PNLIP: variants seen among roughly 807,000 people sequenced by gnomAD.
The protein encoded by PNLIP is pancreatic lipase.
In PNLIP, 49 loss-of-function variants were observed where a neutral mutation model predicts 57.1. The ratio of observed to expected loss-of-function variants is 0.86; its 90% CI spans 0.68 to 1.09. The LOEUF (loss-of-function observed/expected upper bound fraction) is 1.09. Among genes scored for constraint, PNLIP ranks in the 50% least tolerant of loss-of-function variants. The pLI, the probability that PNLIP is intolerant of heterozygous loss-of-function variation, is 0.00. For synonymous variants in PNLIP, 209 were observed against 200.4 expected, an observed-to-expected ratio of 1.04 and a Z score of -0.36; for missense variants, 503 against 570.2, an observed-to-expected ratio of 0.88 and a Z score of 1.20.
rs114100502 is a variant in PNLIP, at chr10:116,554,456, G to A, written c.571+618G>A. Among the ~76,000 whole-genome samples, 568 of 152,242 alleles carry A rather than the reference G, an allele frequency of 3.7e-3. 4 individuals carry two copies. The highest frequency in any genetic ancestry group is 0.013 in the African/African-American group (539 of 41,552). ...TTCTGTGTGCTGCTAATGAGATAAC[G>A]AATAGTATTTTACAAACCTGAGGCT... is the stretch of plus-strand genomic sequence containing the variant. On this transcript the variant is annotated intron_variant, in intron 6 of 12. Coordinates refer to ENST00000369221, the MANE Select transcript of PNLIP (RefSeq NM_000936.4).
At chr10:116,558,441 G>A (rs1847278024) in intron 9 of PNLIP, among the ~76,000 whole-genome samples, 1 of 151,784 alleles carries the variant, frequency 6.6e-6, no homozygotes, top group Non-Finnish European at 1.5e-5. Context: ...TGATCCTCCA[G>A]CCTTGGCCTC....
At chr10:116,550,840 C>G (rs112208669) in intron 4 of PNLIP, among the ~76,000 whole-genome samples, 1 of 152,154 alleles carries the variant, frequency 6.6e-6, no homozygotes, top group Non-Finnish European at 1.5e-5. Context: ...TTTTCTTGAA[C>G]TAAATGTCTC....
At chr10:116,550,070 T>C (rs1733850139) in intron 4 of PNLIP, among the ~76,000 whole-genome samples, 1 of 146,342 alleles carries the variant, frequency 6.8e-6, no homozygotes. Context: ...TTTTTTTTTT[T>C]TTTTTTGAGA....
intron 3 of PNLIP, among the ~76,000 whole-genome samples, chr10:116,547,950 A>G (rs1242043810): frequency 1.3e-5 from 2 of 152,046 alleles, no homozygotes; most frequent in Admixed American, 6.6e-5. Context: ...TTTAATAAAT[A>G]TTGTAAATGT....
chr10:116,559,603 A>G (rs976591272), intron 10 of PNLIP, among the ~76,000 whole-genome samples: 2 of 152,180 alleles, frequency 1.3e-5, no homozygotes, highest in East Asian at 1.9e-4. Context: ...GATTTTTGTA[A>G]AAGCAGAAAA....
intron 9 of PNLIP, among the ~76,000 whole-genome samples, chr10:116,556,741 T>A (rs1405784922): frequency 3.3e-5 from 5 of 152,050 alleles, no homozygotes; most frequent in Non-Finnish European, 2.9e-5. Flanking sequence ...TTTTTTTTTT[T>A]ATAAAATTGA....
intron 12 of PNLIP, among the ~76,000 whole-genome samples, chr10:116,562,494 GAGA>G (rs1231076918): frequency 6.6e-6 from 1 of 152,164 alleles, no homozygotes; most frequent in South Asian, 2.1e-4. Flanking sequence ...TCACAGGGAG[GAGA>G]AACCCAGGCA....
At chr10:116,557,647 A>G (rs920949111) in intron 9 of PNLIP, among the ~76,000 whole-genome samples, 1 of 152,032 alleles carries the variant, frequency 6.6e-6, no homozygotes, top group East Asian at 1.9e-4. Flanking sequence ...TTGAATGCCA[A>G]CCCTGGGACT....
Position 116,567,776 on chromosome 10 carries a change from T to G in PNLIP, c.1376T>G (p.Leu459Arg), listed in dbSNP as rs1847386306. ...CCAGAAACCGTCAGGGAGGAAGTTC[T>G]GCTCACCCTCACACCGTGTTAGGAG... ...CSPETVREEV[L>R]LTLTPC Residue 459 changes from leucine to arginine, a missense_variant, in exon 13 of 13, where the codon CTG becomes CGG. By Grantham distance (102) the Leu-to-Arg change is moderately radical. Coordinates refer to ENST00000369221, the MANE Select transcript of PNLIP (RefSeq NM_000936.4). The G allele has an allele frequency of 6.2e-7, 1 of 1,613,772 alleles. No individual in the cohort carries two copies. Among genetic ancestry groups the G allele is most frequent in the African/African-American group, 1.3e-5 (1 of 74,950 alleles).
rs1274960095 is a variant in PNLIP, at chr10:116,567,807, T to G, written c.*9T>G. 3 of 1,603,266 alleles carry G rather than the reference T, an allele frequency of 1.9e-6. No homozygotes were observed. Among genetic ancestry groups the G allele is most frequent in the South Asian group, 1.1e-5 (1 of 90,900 alleles). The stretch of plus-strand genomic sequence containing the variant: ...CCCTCACACCGTGTTAGGAGACTAC[T>G]GTTATTTGACCAATGAATTGACTTC... On this transcript the variant is annotated 3_prime_UTR_variant, in exon 13 of 13. Coordinates refer to ENST00000369221, the MANE Select transcript of PNLIP (RefSeq NM_000936.4).
chr10:116,567,719 T>A lies in PNLIP; in HGVS notation c.1335-16T>A. ...CCAGGAAGAGGAGGTGACTTTGTGT[T>A]GTTTTTTCTCCACAGGTTCAACTTC... is the stretch of plus-strand genomic sequence containing the variant. On this transcript the variant is annotated splice_polypyrimidine_tract_variant and intron_variant, in intron 12 of 12. Transcript: ENST00000369221. 6.2e-7 allele frequency: 1 copy of A among 1,611,118 alleles called. No individual in the cohort carries two copies. The highest frequency in any genetic ancestry group is 8.5e-7 in the Non-Finnish European group (1 of 1,177,288).
At chr10:116,551,339 C>G (rs1847190072) in intron 5 of PNLIP, 107 bp downstream of exon 5, 2 of 757,406 alleles carry the variant, frequency 2.6e-6, no homozygotes, top group African/African-American at 1.8e-5. Context: ...AAAGACACTT[C>G]TCTACTCAGA....
intron 12 of PNLIP, among the ~76,000 whole-genome samples, chr10:116,567,357 T>C (rs1847380500): frequency 6.6e-6 from 1 of 152,138 alleles, no homozygotes; most frequent in Non-Finnish European, 1.5e-5. Flanking sequence ...AAAATAATGG[T>C]TAGCCAACGT....
intron 10 of PNLIP, among the ~76,000 whole-genome samples, chr10:116,559,706 T>C (rs566246570): frequency 1.3e-5 from 2 of 152,250 alleles, no homozygotes; most frequent in Non-Finnish European, 2.9e-5. Context: ...CCATGGGTGA[T>C]GGGAATTAGA....
chr10:116,554,712 C>T (rs914776797), intron 6 of PNLIP, among the ~76,000 whole-genome samples: 5 of 151,628 alleles, frequency 3.3e-5, no homozygotes, highest in East Asian at 3.9e-4. Context: ...ACTGCCTATC[C>T]GTTCATTTGC....
chr10:116,553,584 C>T (rs1205253331), intron 5 of PNLIP, 143 bp from the exon 6 acceptor site: 3 of 665,564 alleles, frequency 4.5e-6, no homozygotes, highest in Non-Finnish European at 8.1e-6. Context: ...TAGGCTATGC[C>T]ATCTAGGTTT....
intron 12 of PNLIP, 108 bp downstream of exon 12, chr10:116,561,744 A>G: frequency 1.1e-6 from 1 of 947,656 alleles, no homozygotes; most frequent in Non-Finnish European, 1.6e-6. Flanking sequence ...GATCGCCTAC[A>G]TCCTAGTTGC....
intron 12 of PNLIP, among the ~76,000 whole-genome samples, chr10:116,562,041 A>G (rs900555305): frequency 5.3e-5 from 8 of 152,222 alleles, no homozygotes; most frequent in Non-Finnish European, 1.2e-4. Context: ...AGGCTTTTCC[A>G]AATCACTGGT....
chr10:116,555,758 T>G (rs1412918153), intron 8 of PNLIP, among the ~76,000 whole-genome samples: 4 of 152,198 alleles, frequency 2.6e-5, no homozygotes, highest in Non-Finnish European at 4.4e-5. Context: ...TAAACCAATC[T>G]TTTTCTTCTA....
Sources: gnomAD v4.1 joint callset for allele counts (sites outside exome capture counted in the v4.1 genomes callset) on GRCh38, gnomAD v4.1.1 for gene constraint, MANE v1.5 for transcripts, NCBI Gene and HGNC (gene_info 2026-07-23, HGNC 2026-07-21) for gene names.